Variants in ROBO1 observed in about 807,000 individuals in gnomAD.
The protein encoded by ROBO1 is roundabout guidance receptor 1, also known as roundabout homolog 1.
In ROBO1, 149 loss-of-function variants were observed where a neutral mutation model predicts 195.9. The observed-to-expected ratio is 0.76, with a 90% confidence interval of 0.67 to 0.87. The LOEUF is 0.87. ROBO1 is among the 40% of genes least tolerant of loss of function. ROBO1 has a pLI of 0.00. For missense variants in ROBO1, 1,933 were observed against 2,068.3 expected, an observed-to-expected ratio of 0.93 and a Z score of 1.27; for synonymous variants, 816 against 733.2, an observed-to-expected ratio of 1.11 and a Z score of -1.82.
chr3:79,505,384 T>TA lies in ROBO1; in HGVS notation c.88+84439dup, dbSNP rs752305021. 1.1e-3 allele frequency among the ~76,000 whole-genome samples: 168 copies of TA among 152,184 alleles called. 2 individuals are homozygous for TA. In the East Asian group the frequency reaches 0.022, roughly 20 times the overall value. ...GTAAATTGCCAAATTGCGACAATGATATAAGAAAGACACAGCTTAGATCGA... is the reference window on the plus strand; with the variant it reads ...GTAAATTGCCAAATTGCGACAATGATAATAAGAAAGACACAGCTTAGATCGA... On this transcript the variant is annotated intron_variant, in intron 2 of 30. Transcript: ENST00000464233.
chr3:79,737,460 C>G (rs1163393593), intron 1 of ROBO1, among the ~76,000 whole-genome samples: 1 of 152,096 alleles, frequency 6.6e-6, no homozygotes, highest in East Asian at 1.9e-4. Context: ...ATCAACTCAA[C>G]AAATATATTC....
At chr3:79,324,940 A>G (rs1363594342) in intron 2 of ROBO1, among the ~76,000 whole-genome samples, 1 of 152,186 alleles carries the variant, frequency 6.6e-6, no homozygotes, top group Admixed American at 6.5e-5. Context: ...CTTCGAGTTG[A>G]GAGTTGATGG....
intron 2 of ROBO1, among the ~76,000 whole-genome samples, chr3:79,257,388 T>C (rs945595716): frequency 6.6e-6 from 1 of 152,098 alleles, no homozygotes; most frequent in African/African-American, 2.4e-5. Context: ...AAGTTGACTC[T>C]CTGGGGCAGC....
intron 4 of ROBO1, among the ~76,000 whole-genome samples, chr3:78,799,128 G>C (rs1387078385): frequency 6.6e-6 from 1 of 152,102 alleles, no homozygotes; most frequent in Non-Finnish European, 1.5e-5. Context: ...AATTCGCACA[G>C]CTTTTCTTAA....
chr3:78,667,630 T>C (rs1456032197), intron 14 of ROBO1, among the ~76,000 whole-genome samples: 8 of 152,152 alleles, frequency 5.3e-5, no homozygotes, highest in Admixed American at 3.9e-4. Flanking sequence ...AATATTTTTG[T>C]CTTGATATAT....
intron 4 of ROBO1, among the ~76,000 whole-genome samples, chr3:78,782,354 A>G (rs2083703372): frequency 6.6e-6 from 1 of 151,420 alleles, no homozygotes; most frequent in African/African-American, 2.4e-5. Flanking sequence ...CCACCACCAC[A>G]CCCAGCTAAT....
intron 1 of ROBO1, among the ~76,000 whole-genome samples, chr3:79,616,405 C>T (rs1334996556): frequency 6.6e-6 from 1 of 152,044 alleles, no homozygotes; most frequent in African/African-American, 2.4e-5. Flanking sequence ...ATGACTGGGA[C>T]AACCATAGGA....
chr3:79,664,155 A>C (rs1946407446), intron 1 of ROBO1, among the ~76,000 whole-genome samples: 1 of 152,024 alleles, frequency 6.6e-6, no homozygotes, highest in African/African-American at 2.4e-5. Flanking sequence ...TTATTATTTT[A>C]TTTTAATGTG....
At chr3:79,292,477 A>G (rs535446318) in intron 2 of ROBO1, among the ~76,000 whole-genome samples, 30 of 152,330 alleles carry the variant, frequency 2.0e-4, no homozygotes, top group African/African-American at 7.0e-4. Context: ...GAATGCTTCC[A>G]GCTTTTGCCC....
At chr3:79,543,958 G>A (rs1220066653) in intron 2 of ROBO1, among the ~76,000 whole-genome samples, 1 of 151,942 alleles carries the variant, frequency 6.6e-6, no homozygotes, top group African/African-American at 2.4e-5. Flanking sequence ...AAAATGTTTA[G>A]ACTAAACAAA....
At chr3:78,635,694 G>A (rs937760913) in intron 23 of ROBO1, 79 bp downstream of exon 23, 44 of 1,230,588 alleles carry the variant, frequency 3.6e-5, no homozygotes, top group South Asian at 4.7e-5. Flanking sequence ...CTTGCTAGTC[G>A]CAGACAAGTT....
In ROBO1 at chr3:78,667,969, TTAGG is replaced by T; in HGVS notation, c.1876_1879del (p.Pro626MetfsTer8). ...CCTCACAAGGAAAAGGTAAATTGCA[TTAGG>T]TTTGAGTCCTTTAATGGCAGATGTT... On this transcript the variant is annotated frameshift_variant, in exon 14 of 31. Transcript: ENST00000464233. LOFTEE classifies it high-confidence loss of function. 1 of 1,613,782 alleles carries T rather than the reference TTAGG, an allele frequency of 6.2e-7. No individual in the cohort carries two copies. Among genetic ancestry groups the T allele is most frequent in the Non-Finnish European group, 8.5e-7 (1 of 1,179,782 alleles).
intron 3 of ROBO1, among the ~76,000 whole-genome samples, chr3:79,091,699 C>G (rs1029397211): frequency 6.6e-6 from 1 of 151,642 alleles, no homozygotes; most frequent in Admixed American, 6.6e-5. Context: ...TAGAGCGCGA[C>G]ATTTCGGCTA....
chr3:79,756,417 C>T (rs1169767238), intron 1 of ROBO1, among the ~76,000 whole-genome samples: 2 of 151,870 alleles, frequency 1.3e-5, no homozygotes, highest in East Asian at 1.9e-4. Context: ...GGTGTGGTGG[C>T]GCATGCCTGT....
intron 1 of ROBO1, among the ~76,000 whole-genome samples, chr3:79,635,708 T>C (rs1294054842): frequency 1.3e-5 from 2 of 152,094 alleles, no homozygotes; most frequent in Non-Finnish European, 2.9e-5. Context: ...TCACAAGAAC[T>C]AGATGTTAAA....
intron 2 of ROBO1, among the ~76,000 whole-genome samples, chr3:79,200,419 A>G (rs1409430212): frequency 6.6e-6 from 1 of 151,856 alleles, no homozygotes; most frequent in African/African-American, 2.4e-5. Context: ...GGATTAAAAA[A>G]TATACATATA....
chr3:79,182,450 C>T (rs1018251015), intron 2 of ROBO1, among the ~76,000 whole-genome samples: 1 of 152,174 alleles, frequency 6.6e-6, no homozygotes, highest in African/African-American at 2.4e-5. Flanking sequence ...GAAGCATCTA[C>T]ACTCCCCTAA....
intron 3 of ROBO1, among the ~76,000 whole-genome samples, chr3:79,109,903 A>G (rs766205965): frequency 3.3e-5 from 5 of 152,144 alleles, no homozygotes; most frequent in Non-Finnish European, 7.4e-5. Context: ...CTACATAAGT[A>G]ACTATGGGTT....
intron 2 of ROBO1, among the ~76,000 whole-genome samples, chr3:79,519,698 A>G (rs1281947659): frequency 2.6e-5 from 4 of 151,506 alleles, no homozygotes; most frequent in Admixed American, 2.6e-4. Flanking sequence ...ATGTTGTCCC[A>G]GCCAGGAGAA....
Sources: allele counts gnomAD v4.1 joint callset (sites outside exome capture counted in the v4.1 genomes callset), GRCh38; gene constraint gnomAD v4.1.1; transcripts MANE v1.5; gene names NCBI Gene and HGNC (gene_info 2026-07-23, HGNC 2026-07-21).